The following KMT2D variants were observed in gnomAD, a reference collection of about 807,000 sequenced individuals.
KMT2D encodes the protein lysine methyltransferase 2D.
In KMT2D, 55 loss-of-function variants were observed where a neutral mutation model predicts 512.7. That is an observed-to-expected ratio of 0.11 (90% CI 0.09 to 0.13). The LOEUF is 0.13. Ranked by LOEUF, KMT2D falls within the 10% of genes least tolerant of loss-of-function variation. The pLI is 1.00. For synonymous variants in KMT2D, 2,995 were observed against 2,904.0 expected, an observed-to-expected ratio of 1.03 and a Z score of -1.01; for missense variants, 6,061 against 7,127.9, an observed-to-expected ratio of 0.85 and a Z score of 5.39.
chr12:49,030,386 G>T lies in KMT2D; in HGVS notation c.13893C>A (p.Pro4631=), dbSNP rs1942837580. ...TPPSSLPPTP[P]PSVQQKMVNG... Reference sequence around the variant, plus strand: ...TCACCATCTTCTGCTGCACCGATGGGGGTGGGGTGGGGGGCAGCGACGAGG... The same window carrying T: ...TCACCATCTTCTGCTGCACCGATGGTGGTGGGGTGGGGGGCAGCGACGAGG... Residue 4631 remains proline, a synonymous_variant, in exon 43 of 55, where the codon CCC becomes CCA. Coordinates refer to ENST00000301067, the MANE Select transcript of KMT2D (RefSeq NM_003482.4). 1 of 1,594,624 alleles carries T rather than the reference G, an allele frequency of 6.3e-7. No homozygotes were observed.
Position 49,022,716 on chromosome 12 carries a change from G to A in KMT2D, c.16212C>T (p.Ser5404=), listed in dbSNP as rs367672007. The A allele has an allele frequency of 6.8e-6, 11 of 1,613,866 alleles. No homozygotes were observed. In the African/African-American group the frequency reaches 1.5e-4, roughly 22 times the overall value. ...CATAGAGCCCCAGGCCCTGGATACG[G>A]GAGCGAGCCAGGTACACGTTGTTCT... ...EWKNNVYLAR[S]RIQGLGLYAA... The change falls in exon 52 of 55, where the codon TCC becomes TCT. Residue 5404 remains serine, a synonymous_variant. Transcript: ENST00000301067. This position sits in a 1 kb window ranked among gnomAD's most constrained non-coding sequence, Gnocchi z 8.6.
Position 49,050,607 on chromosome 12 carries a change from T to C in KMT2D, c.2981A>G (p.Glu994Gly), listed in dbSNP as rs1431224795. ...PPPEANCTDP[E>G]PVPPMILPPS... ...GGGAAGGATCATAGGGGGGACAGGC[T>C]CAGGGTCAGTGCAGTTAGCTTCTGG... Residue 994 changes from glutamate (E) to glycine (G), a missense_variant, in exon 12 of 55, where the codon GAG becomes GGG. Glu to Gly is a moderately conservative substitution (Grantham distance 98, BLOSUM62 -2). Coordinates refer to ENST00000301067, the MANE Select transcript of KMT2D (RefSeq NM_003482.4). 3.1e-6 allele frequency: 5 copies of C among 1,609,250 alleles called. No individual in the cohort carries two copies. Among genetic ancestry groups the C allele is most frequent in the Non-Finnish European group, 4.2e-6 (5 of 1,176,866 alleles).
In KMT2D at chr12:49,040,759, C is replaced by A. The variant is rs919292854; in HGVS notation, c.7011G>T (p.Gln2337His). ...FKAPLTPRAS[Q>H]VEPQSPGLGL... ...CCAAGCCCGGGCTCTGGGGCTCTAC[C>A]TGAGATGCCCGAGGGGTCAGGGGGG... Residue 2337 changes from glutamine to histidine, a missense_variant, in exon 32 of 55, where the codon CAG (glutamine) becomes CAT (histidine). By Grantham distance (24) the Gln-to-His change is conservative. Transcript: ENST00000301067. 8 of 1,613,382 alleles carry A rather than the reference C, an allele frequency of 5.0e-6. No individual in the cohort carries two copies. Among genetic ancestry groups the A allele is most frequent in the Non-Finnish European group, 5.9e-6 (7 of 1,179,718 alleles).
intron 6 of KMT2D, 89 bp from the exon 7 acceptor site, chr12:49,053,730 A>G (rs1344372105): frequency 1.4e-6 from 2 of 1,395,414 alleles, no homozygotes; most frequent in Non-Finnish European, 1.9e-6. Context: ...CTCCATGGGC[A>G]CAGAATGAAC....
rs1938355995 is a variant in KMT2D, at chr12:49,055,495, CAAGA to C, written c.-37-138_-37-135del. 3 of 589,148 alleles carry C rather than the reference CAAGA, an allele frequency of 5.1e-6. No individual in the cohort carries two copies. The Admixed American group carries it at 9.5e-5, about 19-fold the overall frequency. The allele number at this position is 589,148 out of a possible 1,614,324, so 36.5% of individuals were successfully genotyped here. ...GCCATACTACAAACTCCTATACTGA[CAAGA>C]AAGTCATTCTCCCTAACCTGTAGGG... On this transcript the variant is annotated intron_variant, in intron 1 of 54. Coordinates refer to ENST00000301067, the MANE Select transcript of KMT2D (RefSeq NM_003482.4).
chr12:49,023,925 A>G, intron 51 of KMT2D: 1 of 375,260 alleles, frequency 2.7e-6, no homozygotes. Flanking sequence ...ACACAGAAAG[A>G]ACAAGGACCT....
Position 49,024,392 on chromosome 12 carries a change from A to C in KMT2D, c.16052+186T>G, listed in dbSNP as rs1942471698. ...TCCTATATCCCAAGTGCATCTGAGC[A>C]GGTTGGGAGAGGAGGAAAAGGATAC... On this transcript the variant is annotated intron_variant, in intron 51 of 54. Transcript: ENST00000301067. This position sits in a 1 kb window ranked among gnomAD's most constrained non-coding sequence, Gnocchi z 4.5. Among the ~76,000 whole-genome samples, 1 of 152,202 alleles carries C rather than the reference A, an allele frequency of 6.6e-6. No homozygotes were observed. The highest frequency in any genetic ancestry group is 2.4e-5 in the African/African-American group (1 of 41,434).
chr12:49,026,408 G>A lies in KMT2D; in HGVS notation c.15558C>T (p.His5186=), dbSNP rs2024. 1.7e-4 allele frequency: 270 copies of A among 1,613,798 alleles called. 1 individual carries two copies. Among genetic ancestry groups the A allele is most frequent in the Admixed American group, 5.0e-4 (30 of 59,994 alleles). The change falls in exon 49 of 55, where the codon CAC becomes CAT. Residue 5186 remains histidine (H), a synonymous_variant. Coordinates refer to ENST00000301067, the MANE Select transcript of KMT2D (RefSeq NM_003482.4). The surrounding 1 kb of genome is among the most constrained non-coding windows in gnomAD (Gnocchi z 9.6). ...HMFRVGGLVF[H]AIGQLLPHQM... ...GGTGAGGCAGCAGCTGTCCGATGGC[G>A]TGGAACACAAGGCCCCCCACACGGA...
At position 49,044,570 on chromosome 12, in the gene KMT2D, C is replaced by G; in HGVS notation, c.4964-48G>C. ...TGGAGGCAAATCAGAACTATAGGCC[C>G]TTTTAACCTTGTCATCCTGCCACTG... On this transcript the variant is annotated intron_variant, in intron 20 of 54. Transcript: ENST00000301067. This position sits in a 1 kb window ranked among gnomAD's most constrained non-coding sequence, Gnocchi z 6.4. 1 of 1,599,424 alleles carries G rather than the reference C, an allele frequency of 6.3e-7. No homozygotes were observed. The highest frequency in any genetic ancestry group is 8.5e-7 in the Non-Finnish European group (1 of 1,171,998).
rs1943324151 is a variant in KMT2D, at chr12:49,038,357, T to C, written c.8999A>G (p.His3000Arg). 1.2e-6 allele frequency: 2 copies of C among 1,613,890 alleles called. No homozygotes were observed. Among genetic ancestry groups the C allele is most frequent in the Non-Finnish European group, 1.7e-6 (2 of 1,179,886 alleles). The stretch of plus-strand genomic sequence containing the variant: ...CTCTTCATCATCCTCTAGGGCCTTG[T>C]GGGCATCAAAATCGTCATCCAGCTC... ...DPELDDDFDAHKALEDDEELA... is the reference protein window; with the variant it reads ...DPELDDDFDARKALEDDEELA... The change falls in exon 35 of 55, where the codon CAC becomes CGC. Residue 3000 changes from histidine to arginine, a missense_variant. Coordinates refer to ENST00000301067, the MANE Select transcript of KMT2D (RefSeq NM_003482.4). This position sits in a 1 kb window ranked among gnomAD's most constrained non-coding sequence, Gnocchi z 5.7.
Position 49,053,630 on chromosome 12 carries a change from A to G in KMT2D, c.685T>C (p.Cys229Arg). Residue 229 changes from cysteine to arginine, a missense_variant, in exon 7 of 55, where the codon TGT becomes CGT. Coordinates refer to ENST00000301067, the MANE Select transcript of KMT2D (RefSeq NM_003482.4). ...EGAAYLEEAR[C>R]AVCEGPGELC... ...TCCCCTGGCCCCTCACACACTGCAC[A>G]GCGAGCCTCCTCTGCAGGGGGTAGA... 1 of 1,594,402 alleles carries G rather than the reference A, an allele frequency of 6.3e-7. No homozygotes were observed. Among genetic ancestry groups the G allele is most frequent in the Non-Finnish European group, 8.5e-7 (1 of 1,170,986 alleles).
At position 49,038,452 on chromosome 12, in the gene KMT2D, C is replaced by A. The variant is rs767700267; in HGVS notation, c.8904G>T (p.Pro2968=). Residue 2968 remains proline (P), a synonymous_variant, in exon 35 of 55, where the codon CCG becomes CCT. Coordinates refer to ENST00000301067, the MANE Select transcript of KMT2D (RefSeq NM_003482.4). This position sits in a 1 kb window ranked among gnomAD's most constrained non-coding sequence, Gnocchi z 5.7. ...PTGLELVNRP[P]SSTELGRPNP... ...TGGGGCGGCCAAGCTCAGTGCTCGA[C>A]GGGGGCCGGTTGACCAGCTCCAAAC... 2 of 1,609,494 alleles carry A rather than the reference C, an allele frequency of 1.2e-6. No individual in the cohort carries two copies. The highest frequency in any genetic ancestry group is 1.7e-6 in the Non-Finnish European group (2 of 1,176,840).
At chr12:49,023,189 T>C (rs577033816) in intron 51 of KMT2D, among the ~76,000 whole-genome samples, 5 of 152,288 alleles carry the variant, frequency 3.3e-5, no homozygotes, top group African/African-American at 1.2e-4. Flanking sequence ...TCCCACTTCC[T>C]ACCACTCTCC....
chr12:49,031,398 T>A lies in KMT2D; in HGVS notation c.13307A>T (p.Asn4436Ile), dbSNP rs540151319. The change falls in exon 40 of 55, where the codon AAT (asparagine) becomes ATT (isoleucine). Residue 4436 changes from asparagine (N) to isoleucine (I), a missense_variant. Coordinates refer to ENST00000301067, the MANE Select transcript of KMT2D (RefSeq NM_003482.4). Reference protein sequence around the residue: ...LGAQSVKREANGEPIGAPGTS... With the variant: ...LGAQSVKREAIGEPIGAPGTS... ...TCCTGGTGCCCCTATTGGCTCCCCA[T>A]TGGCCTCCCTCTTCACTGACTGGGC... is the stretch of plus-strand genomic sequence containing the variant. 1 of 1,613,672 alleles carries A rather than the reference T, an allele frequency of 6.2e-7. No individual in the cohort carries two copies. Among genetic ancestry groups the A allele is most frequent in the Admixed American group, 1.7e-5 (1 of 60,020 alleles).
In KMT2D at chr12:49,039,052, T is replaced by C. The variant is rs1943361776; in HGVS notation, c.8367-63A>G. The C allele has an allele frequency of 2.0e-6, 3 of 1,529,398 alleles. No homozygotes were observed. Among genetic ancestry groups the C allele is most frequent in the Admixed American group, 1.9e-5 (1 of 52,470 alleles). The allele number at this position is 1,529,398 out of a possible 1,614,324, so 94.7% of individuals were successfully genotyped here. ...ATGAAAAGGAGCAAGAACATGGGCT[T>C]AGGGCAGTGAGGAAGGATAGAATTA... is the stretch of plus-strand genomic sequence containing the variant. On this transcript the variant is annotated intron_variant, in intron 34 of 54. Coordinates refer to ENST00000301067, the MANE Select transcript of KMT2D (RefSeq NM_003482.4). This position sits in a 1 kb window ranked among gnomAD's most constrained non-coding sequence, Gnocchi z 5.0.
rs767337939 is a variant in KMT2D at position 49,044,339 on chromosome 12, T to A, written c.5084-35A>T. The A allele has an allele frequency of 2.5e-6, 4 of 1,613,654 alleles. No individual in the cohort carries two copies. The East Asian group carries it at 8.9e-5, about 36-fold the overall frequency. On this transcript the variant is annotated intron_variant, in intron 21 of 54. Coordinates refer to ENST00000301067, the MANE Select transcript of KMT2D (RefSeq NM_003482.4). This position sits in a 1 kb window ranked among gnomAD's most constrained non-coding sequence, Gnocchi z 6.4. ...GGCAGAGTTGTGGATGAGAAGCCGCTGGGGGACCTATTGAGCTGCCCCGCA... is the reference window on the plus strand; with the variant it reads ...GGCAGAGTTGTGGATGAGAAGCCGCAGGGGGACCTATTGAGCTGCCCCGCA...
rs866777837 is a variant in KMT2D at position 49,034,200 on chromosome 12, C to T, written c.10607G>A (p.Arg3536His). Residue 3536 changes from arginine (R) to histidine (H), a missense_variant, in exon 39 of 55, where the codon CGC becomes CAC. Around this residue, in one of 16 missense-constraint regions of KMT2D, gnomAD observed 50 missense variants for 119.9 expected, o/e 0.42. Coordinates refer to ENST00000301067, the MANE Select transcript of KMT2D (RefSeq NM_003482.4). ...GGCACACAGAGCCTTCCGGGACTTG[C>T]GGTGTACACCAATCTGCTCCTCTAG... ...KVLEEQIGVH[R>H]KSRKALCAKQ... 2 of 1,613,414 alleles carry T rather than the reference C, an allele frequency of 1.2e-6. No individual in the cohort carries two copies. The highest frequency in any genetic ancestry group is 1.7e-6 in the Non-Finnish European group (2 of 1,179,874).
In KMT2D at chr12:49,040,223, G is replaced by A. The variant is rs752647909; in HGVS notation, c.7547C>T (p.Pro2516Leu). The change falls in exon 32 of 55, where the codon CCC (proline) becomes CTC (leucine). Residue 2516 changes from proline to leucine, a missense_variant. Around this residue, in one of 16 missense-constraint regions of KMT2D, gnomAD observed 710 missense variants for 647.3 expected, o/e 1.10. Coordinates refer to ENST00000301067, the MANE Select transcript of KMT2D (RefSeq NM_003482.4). ...CGTCCCAGGGGACCGGACAAAATTGGGGGGCTGCCCACTTGGGACCTTGGC... is the reference window on the plus strand; with the variant it reads ...CGTCCCAGGGGACCGGACAAAATTGAGGGGCTGCCCACTTGGGACCTTGGC... ...LHAKVPSGQPPNFVRSPGTGA... is the reference protein window; with the variant it reads ...LHAKVPSGQPLNFVRSPGTGA... The A allele has an allele frequency of 1.9e-6, 3 of 1,613,012 alleles. No homozygotes were observed. The highest frequency in any genetic ancestry group is 2.2e-5 in the East Asian group (1 of 44,874).
In KMT2D at chr12:49,033,531, T is replaced by G. The variant is rs377044162; in HGVS notation, c.11174A>C (p.Gln3725Pro). Residue 3725 changes from glutamine (Q) to proline (P), a missense_variant, in exon 40 of 55, where the codon CAG becomes CCG. By Grantham distance (76) the Gln-to-Pro change is moderately conservative. Transcript: ENST00000301067. ...LLQERQLQLQQQRMQLAQKLQ... is the reference protein window; with the variant it reads ...LLQERQLQLQPQRMQLAQKLQ... ...TTTCTGGGCCAGCTGCATACGTTGCTGCTGCAGCTGCAGCTGCCTTTCCTG... is the reference window on the plus strand; with the variant it reads ...TTTCTGGGCCAGCTGCATACGTTGCGGCTGCAGCTGCAGCTGCCTTTCCTG... The G allele has an allele frequency of 1.2e-4, 186 of 1,613,304 alleles. No individual in the cohort carries two copies. The highest frequency in any genetic ancestry group is 1.5e-4 in the Non-Finnish European group (175 of 1,179,614).
Sources: gnomAD v4.1 joint callset for allele counts (sites outside exome capture counted in the v4.1 genomes callset) on GRCh38, gnomAD v4.1.1 for gene constraint, gnomAD v4.1.1 regional missense constraint, Gnocchi (gnomAD v3.1) non-coding constraint, MANE v1.5 for transcripts, NCBI Gene and HGNC (gene_info 2026-07-23, HGNC 2026-07-21) for gene names.